Variants in AGGF1 observed in about 807,000 individuals in gnomAD.
The protein encoded by AGGF1 is angiogenic factor with G patch and FHA domains 1.
A neutral mutation model predicts 86.5 loss-of-function variants in AGGF1; 56 were observed. That is an observed-to-expected ratio of 0.65 (90% CI 0.52 to 0.81). The LOEUF is 0.81. AGGF1 is among the 30% of genes least tolerant of loss of function. AGGF1 has a pLI of 0.00. For missense variants in AGGF1, 816 were observed against 850.9 expected, an observed-to-expected ratio of 0.96 and a Z score of 0.51; for synonymous variants, 313 against 297.1, an observed-to-expected ratio of 1.05 and a Z score of -0.55.
At chr5:77,034,358 G>T in intron 1 of AGGF1, 60 bp from the exon 2 acceptor site, 3 of 997,242 alleles carry the variant, frequency 3.0e-6, no homozygotes, top group Non-Finnish European at 4.8e-6. Flanking sequence ...TAGGAGACTG[G>T]TATATATATT....
chr5:77,042,526 T>C (rs1747120530), intron 5 of AGGF1, among the ~76,000 whole-genome samples: 1 of 60,990 alleles, frequency 1.6e-5, no homozygotes, highest in African/African-American at 4.8e-5. Context: ...ACGGGGCGGC[T>C]GGCCGGGCAG....
At position 77,063,459 on chromosome 5, in the gene AGGF1, A is replaced by G; in HGVS notation, c.*207A>G. 1.7e-6 allele frequency: 1 copy of G among 576,232 alleles called. No homozygotes were observed. The highest frequency in any genetic ancestry group is 3.1e-6 in the Non-Finnish European group (1 of 326,252). The allele number at this position is 576,232 out of a possible 1,614,324, so 35.7% of individuals were successfully genotyped here. On this transcript the variant is annotated 3_prime_UTR_variant, in exon 14 of 14. Coordinates refer to ENST00000312916, the MANE Select transcript of AGGF1 (RefSeq NM_018046.5). ...CTGAACCAATTTATGCAGTAAATAG[A>G]CTAAAGTTCACAGGGCACGGATGAG... is the stretch of plus-strand genomic sequence containing the variant.
intron 11 of AGGF1, among the ~76,000 whole-genome samples, chr5:77,057,153 G>T (rs1056296916): frequency 2.6e-5 from 4 of 152,198 alleles, no homozygotes; most frequent in Admixed American, 2.6e-4. Flanking sequence ...CTCATACACT[G>T]CTGGTGGGAA....
chr5:77,030,481 C>G lies in AGGF1; in HGVS notation c.-286C>G. Reference sequence around the variant, plus strand: ...TTTTCCGACTGCTTATCCGACGCTCCTCCCTCTGTCTCTGTAGCTGGAGAA... The same window carrying G: ...TTTTCCGACTGCTTATCCGACGCTCGTCCCTCTGTCTCTGTAGCTGGAGAA... On this transcript the variant is annotated 5_prime_UTR_variant, in exon 1 of 14. Coordinates refer to ENST00000312916, the MANE Select transcript of AGGF1 (RefSeq NM_018046.5). The G allele has an allele frequency of 3.2e-6, 2 of 621,772 alleles. No individual in the cohort carries two copies. The highest frequency in any genetic ancestry group is 6.0e-6 in the Non-Finnish European group (2 of 333,934). The allele number at this position is 621,772 out of a possible 1,614,324, so 38.5% of individuals were successfully genotyped here.
At position 77,054,091 on chromosome 5, in the gene AGGF1, A is replaced by G. The variant is rs1445137096; in HGVS notation, c.1594A>G (p.Arg532Gly). ...TCDGCEPGQV[R>G]AHLRLDKKDE... is the part of the protein sequence containing the mutation. ...TGATGGCTGTGAACCAGGGCAGGTTAGAGCCCACCTTCGCCTTGATAAGAA... is the reference window on the plus strand; with the variant it reads ...TGATGGCTGTGAACCAGGGCAGGTTGGAGCCCACCTTCGCCTTGATAAGAA... The change falls in exon 10 of 14, where the codon AGA becomes GGA. Residue 532 changes from arginine to glycine, a missense_variant. Transcript: ENST00000312916. The G allele has an allele frequency of 4.3e-6, 7 of 1,614,216 alleles. No individual in the cohort carries two copies. Among genetic ancestry groups the G allele is most frequent in the Non-Finnish European group, 5.9e-6 (7 of 1,180,032 alleles).
intron 4 of AGGF1, among the ~76,000 whole-genome samples, chr5:77,037,727 G>T (rs1394134383): frequency 1.3e-5 from 2 of 152,174 alleles, no homozygotes; most frequent in Admixed American, 1.3e-4. Flanking sequence ...AGTGAGCCAT[G>T]ATTGCACCAC....
rs1198360605 is a variant in AGGF1, at chr5:77,063,250, T to C, written c.2143T>C (p.Ter715ArgextTer50). ...TMPWVKGTLE[*>R] is the part of the protein sequence containing the mutation. The stretch of plus-strand genomic sequence containing the variant: ...GCCTTGGGTAAAAGGGACTTTAGAG[T>C]GAAGGCTAATCATAGAAAAAAAACC... The change falls in exon 14 of 14, where the codon TGA becomes CGA. Residue 715 changes from the stop codon to arginine (R), a stop_lost. Transcript: ENST00000312916. 1 of 1,611,594 alleles carries C rather than the reference T, an allele frequency of 6.2e-7. No individual in the cohort carries two copies. The highest frequency in any genetic ancestry group is 8.5e-7 in the Non-Finnish European group (1 of 1,178,874).
chr5:77,031,018 C>G (rs758346140), intron 1 of AGGF1, 42 bp downstream of exon 1: 1 of 1,603,874 alleles, frequency 6.2e-7, no homozygotes, highest in African/African-American at 1.3e-5. Flanking sequence ...CCAGCCCAGG[C>G]GAGGCCTTCG....
chr5:77,032,266 A>AAAAAC (rs1467484758), intron 1 of AGGF1, among the ~76,000 whole-genome samples: 2 of 150,348 alleles, frequency 1.3e-5, no homozygotes, highest in East Asian at 3.9e-4. Flanking sequence ...AAAAAAAAAA[A>AAAAAC]AAAAAAAACA....
Position 77,030,553 on chromosome 5 carries a change from G to C in AGGF1, c.-214G>C, listed in dbSNP as rs1005857503. 2 of 702,630 alleles carry C rather than the reference G, an allele frequency of 2.8e-6. No individual in the cohort carries two copies. Among genetic ancestry groups the C allele is most frequent in the Admixed American group, 2.0e-5 (1 of 49,650 alleles). The allele number at this position is 702,630 out of a possible 1,614,324, so 43.5% of individuals were successfully genotyped here. A position where few individuals can be genotyped will look rare whatever the true frequency, so the allele number is the denominator to read the frequency against. The stretch of plus-strand genomic sequence containing the variant: ...CCGGTTTGCAGGCCGCGCACATCGG[G>C]CAGGGGCCATCCTCGGTCCCCTTGC... On this transcript the variant is annotated 5_prime_UTR_variant, in exon 1 of 14. Coordinates refer to ENST00000312916, the MANE Select transcript of AGGF1 (RefSeq NM_018046.5).
intron 5 of AGGF1, among the ~76,000 whole-genome samples, chr5:77,043,410 TCCTCACTTCCCAGTAGGGGC>T (rs1747168495): frequency 3.6e-5 from 2 of 55,130 alleles, no homozygotes; most frequent in Non-Finnish European, 7.5e-5. Flanking sequence ...GCAGAGGGGC[TCCTCACTTCCCAGTAGGGGC>T]GGCCGGGCAG....
chr5:77,044,065 G>A (rs1292592113), intron 5 of AGGF1, among the ~76,000 whole-genome samples: 7 of 125,772 alleles, frequency 5.6e-5, no homozygotes, highest in African/African-American at 1.2e-4. Context: ...ATGGGATGGC[G>A]GCCGGGCGGA....
chr5:77,043,519 C>T (rs1244921085), intron 5 of AGGF1, among the ~76,000 whole-genome samples: 1 of 142,666 alleles, frequency 7.0e-6, no homozygotes, highest in African/African-American at 2.6e-5. Flanking sequence ...GACGGGGCGG[C>T]TGGCCGGGCG....
intron 9 of AGGF1, 64 bp from the exon 10 acceptor site, chr5:77,053,901 G>T (rs762338648): frequency 4.7e-6 from 7 of 1,475,598 alleles, no homozygotes; most frequent in Non-Finnish European, 6.6e-6. Context: ...ATTACTTACA[G>T]TAGATGTAAG....
chr5:77,036,830 C>G, intron 4 of AGGF1, 110 bp downstream of exon 4: 1 of 1,197,360 alleles, frequency 8.4e-7, no homozygotes, highest in East Asian at 2.5e-5. Flanking sequence ...TTTCACCCCC[C>G]AGGTTCAAGT....
intron 11 of AGGF1, among the ~76,000 whole-genome samples, chr5:77,056,849 C>T (rs1187882552): frequency 6.6e-6 from 1 of 151,996 alleles, no homozygotes; most frequent in Non-Finnish European, 1.5e-5. Flanking sequence ...AAAATATTTG[C>T]AAATCATGTA....
At chr5:77,059,572 T>G in intron 11 of AGGF1, 44 bp from the exon 12 acceptor site, 1 of 1,555,652 alleles carries the variant, frequency 6.4e-7, no homozygotes, top group Non-Finnish European at 8.8e-7. Flanking sequence ...ATTGTTTTAT[T>G]TATCAGCTTT....
At chr5:77,036,191 C>T (rs1305498598) in intron 3 of AGGF1, 2 of 267,912 alleles carry the variant, frequency 7.5e-6, no homozygotes, top group East Asian at 2.0e-4. Flanking sequence ...ACAGTTTTCT[C>T]CTTCATTTGT....
At chr5:77,041,269 G>A (rs1434793024) in intron 5 of AGGF1, among the ~76,000 whole-genome samples, 3 of 152,044 alleles carry the variant, frequency 2.0e-5, no homozygotes, top group Non-Finnish European at 4.4e-5. Flanking sequence ...TTGATTGTTT[G>A]AAAGGCTAGG....
Sources: gnomAD v4.1 joint callset for allele counts (sites outside exome capture counted in the v4.1 genomes callset) on GRCh38, gnomAD v4.1.1 for gene constraint, MANE v1.5 for transcripts, NCBI Gene and HGNC (gene_info 2026-07-23, HGNC 2026-07-21) for gene names.